Variants in SV2C observed in about 807,000 individuals in gnomAD.
The protein encoded by SV2C is solute carrier family 22 member B3.
A neutral mutation model predicts 79.7 loss-of-function variants in SV2C; 49 were observed. That is an observed-to-expected ratio of 0.61 (90% CI 0.49 to 0.78). SV2C has a LOEUF of 0.78. Among genes scored for constraint, SV2C ranks in the 30% least tolerant of loss-of-function variants. SV2C has a pLI of 0.00. For synonymous variants in SV2C, 334 were observed against 333.2 expected (o/e 1.00, Z -0.03); for missense variants, 833 against 912.9 (o/e 0.91, Z 1.13).
intron 3 of SV2C, among the ~76,000 whole-genome samples, chr5:76,199,930 AAT>A (rs1744386277): frequency 6.6e-6 from 1 of 152,220 alleles, no homozygotes; most frequent in Non-Finnish European, 1.5e-5. Context: ...TACCCAGCTA[AAT>A]ATTTATACTG....
At chr5:76,316,337 C>T (rs557480958) in intron 12 of SV2C, among the ~76,000 whole-genome samples, 6 of 152,324 alleles carry the variant, frequency 3.9e-5, no homozygotes, top group Middle Eastern at 3.4e-3. Context: ...ACCCTGGATA[C>T]ACCTTCATGT....
At chr5:76,057,483 G>A in the SV2C span, among the ~76,000 whole-genome samples, 6 of 151,702 alleles carry the variant, frequency 4.0e-5, no homozygotes, top group African/African-American at 1.5e-4. Flanking sequence ...GTGGTGTTTG[G>A]TTTTCTGTGC....
At chr5:75,921,587 T>C in the SV2C span, 1 of 962,530 alleles carries the variant, frequency 1.0e-6, no homozygotes, top group Non-Finnish European at 1.7e-6. Context: ...GAAGTTCCTG[T>C]TGTAGGAGGT....
At chr5:75,977,879 C>A in the SV2C span, among the ~76,000 whole-genome samples, 1 of 152,212 alleles carries the variant, frequency 6.6e-6, no homozygotes, top group African/African-American at 2.4e-5. Context: ...TCCTGCTCTG[C>A]TGGACCATTC....
At chr5:76,219,218 T>A (rs1047820374) in intron 4 of SV2C, among the ~76,000 whole-genome samples, 1 of 152,178 alleles carries the variant, frequency 6.6e-6, no homozygotes, top group Non-Finnish European at 1.5e-5. Flanking sequence ...AGAGGCAGAG[T>A]AAGACGTGAC....
the SV2C span, among the ~76,000 whole-genome samples, chr5:76,008,665 T>C: frequency 6.6e-6 from 1 of 152,172 alleles, no homozygotes; most frequent in African/African-American, 2.4e-5. Flanking sequence ...ACTTGAGTTA[T>C]GGCAGGAGCC....
chr5:76,103,169 G>T (rs2112122612), intron 1 of SV2C, among the ~76,000 whole-genome samples: 1 of 152,144 alleles, frequency 6.6e-6, no homozygotes, highest in Admixed American at 6.5e-5. Context: ...CTCTAAAGTT[G>T]TAGCACCTTT....
chr5:76,296,707 A>C (rs1187661825), intron 9 of SV2C, among the ~76,000 whole-genome samples: 3 of 152,248 alleles, frequency 2.0e-5, no homozygotes, highest in Non-Finnish European at 4.4e-5. Flanking sequence ...AAACTCTAAA[A>C]TAATCAAAGT....
intron 1 of SV2C, among the ~76,000 whole-genome samples, chr5:76,096,181 G>A (rs923897159): frequency 6.6e-6 from 1 of 152,076 alleles, no homozygotes; most frequent in Admixed American, 6.6e-5. Context: ...GAGCATTTAT[G>A]TTTATATTGC....
intron 4 of SV2C, among the ~76,000 whole-genome samples, chr5:76,265,910 T>A (rs1746639762): frequency 6.6e-6 from 1 of 152,140 alleles, no homozygotes; most frequent in Non-Finnish European, 1.5e-5. Flanking sequence ...ACCAGAACTG[T>A]TCCTATTTGG....
At chr5:75,940,223 G>A in the SV2C span, among the ~76,000 whole-genome samples, 8 of 152,042 alleles carry the variant, frequency 5.3e-5, no homozygotes, top group African/African-American at 1.7e-4. Context: ...AATTAGCCAG[G>A]CACGATGGTG....
intron 2 of SV2C, among the ~76,000 whole-genome samples, chr5:76,194,675 G>C (rs1403855079): frequency 6.6e-6 from 1 of 152,218 alleles, no homozygotes; most frequent in African/African-American, 2.4e-5. Flanking sequence ...AGTGTACTCA[G>C]CTATCTGCAA....
At chr5:76,122,059 G>A (rs2112163762) in intron 1 of SV2C, among the ~76,000 whole-genome samples, 1 of 152,066 alleles carries the variant, frequency 6.6e-6, no homozygotes, top group African/African-American at 2.4e-5. Context: ...GCAGTGGTTT[G>A]TAGTTCCCCT....
At chr5:76,005,453 T>A in the SV2C span, among the ~76,000 whole-genome samples, 97 of 152,278 alleles carry the variant, frequency 6.4e-4, no homozygotes, top group African/African-American at 2.2e-3. Context: ...CCCTTCATGG[T>A]TTTTTAGTTG....
the SV2C span, among the ~76,000 whole-genome samples, chr5:75,855,328 A>G: frequency 1.3e-5 from 2 of 152,174 alleles, no homozygotes; most frequent in African/African-American, 2.4e-5. Context: ...GAAGAGAGAA[A>G]TACAATTCAT....
chr5:76,009,214 G>A, the SV2C span, among the ~76,000 whole-genome samples: 107 of 152,102 alleles, frequency 7.0e-4, no homozygotes, highest in Non-Finnish European at 1.4e-3. Context: ...CAATGAGATA[G>A]CATCTCATAC....
At chr5:76,146,248 T>C (rs1391945512) in intron 2 of SV2C, among the ~76,000 whole-genome samples, 2 of 152,138 alleles carry the variant, frequency 1.3e-5, no homozygotes, top group Admixed American at 6.6e-5. Flanking sequence ...TTCTTGGATG[T>C]CACGCAAGAA....
the SV2C span, among the ~76,000 whole-genome samples, chr5:75,997,736 G>T: frequency 6.6e-6 from 1 of 152,186 alleles, no homozygotes; most frequent in African/African-American, 2.4e-5. Context: ...CTTTTACACT[G>T]TTGGTGGGAC....
intron 12 of SV2C, among the ~76,000 whole-genome samples, chr5:76,321,140 G>C (rs1402083173): frequency 6.6e-6 from 1 of 152,056 alleles, no homozygotes; most frequent in Non-Finnish European, 1.5e-5. Flanking sequence ...GAGTCCACAC[G>C]TTATGGAAAC....
Sources: gnomAD v4.1 joint callset for allele counts (sites outside exome capture counted in the v4.1 genomes callset) on GRCh38, gnomAD v4.1.1 for gene constraint, MANE v1.5 for transcripts, NCBI Gene and HGNC (gene_info 2026-07-23, HGNC 2026-07-21) for gene names.